The following GABRB1 variants were observed in gnomAD, a reference collection of about 807,000 sequenced individuals.
GABRB1 encodes the protein gamma-aminobutyric acid receptor subunit beta-1.
Under a neutral mutation model 51.6 loss-of-function variants are expected in GABRB1, and 17 were observed. The observed-to-expected ratio is 0.33, with a 90% CI of 0.23 to 0.49. The LOEUF (loss-of-function observed/expected upper bound fraction) is 0.49, where lower values mean the gene tolerates loss of function less well. Among genes scored for constraint, GABRB1 ranks in the 20% least tolerant of loss-of-function variants. The pLI, the probability that GABRB1 is intolerant of heterozygous loss-of-function variation, is 0.99. For missense variants in GABRB1, 410 were observed against 600.6 expected, an observed-to-expected ratio of 0.68 and a Z score of 3.32; for synonymous variants, 247 against 218.9, an observed-to-expected ratio of 1.13 and a Z score of -1.14.
At chr4:47,140,686 C>G (rs1716896203) in intron 3 of GABRB1, among the ~76,000 whole-genome samples, 1 of 151,702 alleles carries the variant, frequency 6.6e-6, no homozygotes, top group South Asian at 2.1e-4. Flanking sequence ...TGCCCTTTCC[C>G]CTTCCTGTAC....
At chr4:47,053,041 C>T (rs996426295) in intron 3 of GABRB1, among the ~76,000 whole-genome samples, 1 of 152,102 alleles carries the variant, frequency 6.6e-6, no homozygotes, top group Non-Finnish European at 1.5e-5. Flanking sequence ...TATTGAAAAA[C>T]GCTGTTGGGA....
chr4:47,420,649 T>C (rs1183794842), intron 8 of GABRB1, among the ~76,000 whole-genome samples: 1 of 152,208 alleles, frequency 6.6e-6, no homozygotes, highest in African/African-American at 2.4e-5. Flanking sequence ...CATGACTTCT[T>C]GCTCCCTCTG....
intron 4 of GABRB1, among the ~76,000 whole-genome samples, chr4:47,297,827 A>C (rs867576423): frequency 6.6e-6 from 1 of 152,184 alleles, no homozygotes; most frequent in South Asian, 2.1e-4. Context: ...TTAGACCAAT[A>C]TCCTTGATGA....
chr4:47,373,841 G>A (rs567201686), intron 5 of GABRB1, among the ~76,000 whole-genome samples: 13 of 152,174 alleles, frequency 8.5e-5, no homozygotes, highest in Non-Finnish European at 1.3e-4. Flanking sequence ...TATAGAGTGC[G>A]TATCAGCTCA....
chr4:47,404,761 A>G (rs899338921), intron 7 of GABRB1, among the ~76,000 whole-genome samples: 7 of 152,180 alleles, frequency 4.6e-5, no homozygotes, highest in Admixed American at 1.3e-4. Flanking sequence ...ACACATATGC[A>G]TCTGCACATA....
chr4:47,318,001 A>G (rs1355478382), intron 4 of GABRB1, among the ~76,000 whole-genome samples: 1 of 152,020 alleles, frequency 6.6e-6, no homozygotes, highest in Non-Finnish European at 1.5e-5. Context: ...TAACAAATTT[A>G]TCATTTGCAA....
chr4:47,160,157 A>G (rs1466787192), intron 3 of GABRB1, among the ~76,000 whole-genome samples: 2 of 152,114 alleles, frequency 1.3e-5, no homozygotes, highest in Non-Finnish European at 2.9e-5. Flanking sequence ...TCCTGTCTCT[A>G]ACTGCCAGGG....
At chr4:47,266,069 T>A (rs1014533555) in intron 4 of GABRB1, among the ~76,000 whole-genome samples, 10 of 152,194 alleles carry the variant, frequency 6.6e-5, no homozygotes, top group African/African-American at 2.2e-4. Flanking sequence ...ATTTTTATAG[T>A]TTCAGGTCTT....
intron 1 of GABRB1, among the ~76,000 whole-genome samples, chr4:47,003,550 A>G (rs1283482654): frequency 6.6e-6 from 1 of 152,224 alleles, no homozygotes; most frequent in Admixed American, 6.5e-5. Flanking sequence ...CAAGGGACAA[A>G]TTTAGGTTTT....
At chr4:47,273,462 G>C (rs536247863) in intron 4 of GABRB1, among the ~76,000 whole-genome samples, 83 of 152,186 alleles carry the variant, frequency 5.5e-4, no homozygotes, top group South Asian at 2.1e-3. Context: ...CCCACACCAA[G>C]GAAGAAGCCA....
chr4:47,103,090 G>A (rs1232890382), intron 3 of GABRB1, among the ~76,000 whole-genome samples: 1 of 151,990 alleles, frequency 6.6e-6, no homozygotes, highest in Non-Finnish European at 1.5e-5. Context: ...ATGTGTGGCA[G>A]TGAATAGAGA....
intron 4 of GABRB1, among the ~76,000 whole-genome samples, chr4:47,168,045 T>C (rs2109749432): frequency 6.6e-6 from 1 of 152,342 alleles, no homozygotes; most frequent in South Asian, 2.1e-4. Context: ...TGTAGGTCTG[T>C]TATGCATACA....
At chr4:47,067,583 G>T (rs1018680947) in intron 3 of GABRB1, among the ~76,000 whole-genome samples, 16 of 151,854 alleles carry the variant, frequency 1.1e-4, no homozygotes, top group African/African-American at 3.9e-4. Flanking sequence ...TATAGTGGTG[G>T]CTTCCTTCCT....
intron 3 of GABRB1, among the ~76,000 whole-genome samples, chr4:47,141,021 T>A (rs1223954472): frequency 1.3e-5 from 2 of 151,776 alleles, no homozygotes; most frequent in Admixed American, 6.6e-5. Context: ...ATTCAGAAGG[T>A]AGAAAACATT....
chr4:47,424,760 A>G (rs925315734), intron 8 of GABRB1, among the ~76,000 whole-genome samples: 11 of 152,194 alleles, frequency 7.2e-5, no homozygotes, highest in African/African-American at 2.2e-4. Context: ...TTTGCAAAGT[A>G]TATCAGCTTG....
intron 4 of GABRB1, among the ~76,000 whole-genome samples, chr4:47,229,242 A>C (rs1419857309): frequency 6.6e-6 from 1 of 152,188 alleles, no homozygotes; most frequent in Admixed American, 6.6e-5. Flanking sequence ...GCTGAAAGAA[A>C]CTGAATGAAT....
At position 47,225,336 on chromosome 4, in the gene GABRB1, A is replaced by G. The variant is rs186935302; in HGVS notation, c.461+63867A>G. Among the ~76,000 whole-genome samples the G allele has an allele frequency of 7.2e-5, 11 of 152,232 alleles. No individual in the cohort carries two copies. In the East Asian group the frequency reaches 1.7e-3, roughly 24 times the overall value. ...GGTGGAGGGGGCAGGGAGTGTAAAG[A>G]TTTCATTTATAACATTCATCAGATT... On this transcript the variant is annotated intron_variant, in intron 4 of 8. Transcript: ENST00000295454.
intron 4 of GABRB1, among the ~76,000 whole-genome samples, chr4:47,285,001 C>T (rs1723454800): frequency 6.6e-6 from 1 of 152,156 alleles, no homozygotes; most frequent in African/African-American, 2.4e-5. Context: ...CTAACGTCAT[C>T]GTGTTTGAGT....
chr4:47,151,730 G>T (rs1028089740), intron 3 of GABRB1, among the ~76,000 whole-genome samples: 1 of 151,966 alleles, frequency 6.6e-6, no homozygotes, highest in African/African-American at 2.4e-5. Context: ...AATCTATTGT[G>T]TCATATTCCA....
Sources: allele counts gnomAD v4.1 joint callset (sites outside exome capture counted in the v4.1 genomes callset), GRCh38; gene constraint gnomAD v4.1.1; transcripts MANE v1.5; gene names NCBI Gene and HGNC (gene_info 2026-07-23, HGNC 2026-07-21).